ANKS1B: variants seen among roughly 807,000 people sequenced by gnomAD.
The protein encoded by ANKS1B is ankyrin repeat and sterile alpha motif domain containing 1B.
Under a neutral mutation model 148.3 loss-of-function variants are expected in ANKS1B, and 36 were observed. The ratio of observed to expected loss-of-function variants is 0.24; its 90% CI spans 0.19 to 0.32. The LOEUF (loss-of-function observed/expected upper bound fraction) is 0.32, where lower values mean the gene tolerates loss of function less well. Ranked by LOEUF, ANKS1B falls within the 10% of genes least tolerant of loss-of-function variation. ANKS1B has a pLI of 1.00. For synonymous variants in ANKS1B, 542 were observed against 560.8 expected (o/e 0.97, Z 0.47); for missense variants, 1,157 against 1,542.6 (o/e 0.75, Z 4.19).
chr12:99,425,744 T>C (rs953088275), intron 11 of ANKS1B, among the ~76,000 whole-genome samples: 5 of 151,972 alleles, frequency 3.3e-5, no homozygotes, highest in Admixed American at 2.0e-4. Flanking sequence ...ATTTATATTG[T>C]TTGTCCATTT....
chr12:99,084,065 C>A (rs1367512493), intron 16 of ANKS1B, among the ~76,000 whole-genome samples: 1 of 152,082 alleles, frequency 6.6e-6, no homozygotes, highest in African/African-American at 2.4e-5. Context: ...AAAAATGATG[C>A]CTGGTTGGTA....
intron 17 of ANKS1B, among the ~76,000 whole-genome samples, chr12:98,845,484 T>C (rs1046618902): frequency 5.3e-5 from 8 of 152,230 alleles, no homozygotes. Context: ...GGTGCTTATA[T>C]GAACAACCAG....
intron 17 of ANKS1B, among the ~76,000 whole-genome samples, chr12:98,852,342 G>A (rs2099533695): frequency 6.6e-6 from 1 of 152,122 alleles, no homozygotes; most frequent in Non-Finnish European, 1.5e-5. Flanking sequence ...CAGCAGGGTT[G>A]GTGAGTACCA....
intron 14 of ANKS1B, among the ~76,000 whole-genome samples, chr12:99,160,506 T>C (rs1337258206): frequency 2.5e-3 from 12 of 4,734 alleles, no homozygotes; most frequent in Admixed American, 0.01. Context: ...ACCAGGCTAT[T>C]TTTTTTTTTT....
chr12:99,924,149 T>C (rs2094431385), intron 1 of ANKS1B, among the ~76,000 whole-genome samples: 1 of 152,088 alleles, frequency 6.6e-6, no homozygotes, highest in Non-Finnish European at 1.5e-5. Context: ...GCATGTTGAA[T>C]GAAGGAAAAG....
intron 1 of ANKS1B, among the ~76,000 whole-genome samples, chr12:99,963,561 A>C (rs189060407): frequency 6.6e-6 from 1 of 152,342 alleles, no homozygotes; most frequent in Non-Finnish European, 1.5e-5. Context: ...TTATTTCTGC[A>C]ATACTTCCAA....
At chr12:99,719,751 C>T (rs997779829) in intron 8 of ANKS1B, among the ~76,000 whole-genome samples, 4 of 152,144 alleles carry the variant, frequency 2.6e-5, no homozygotes, top group East Asian at 1.9e-4. Flanking sequence ...TTAATAAAAA[C>T]GCTTCTCAAA....
At chr12:99,291,346 C>T (rs1301648830) in intron 12 of ANKS1B, among the ~76,000 whole-genome samples, 1 of 152,058 alleles carries the variant, frequency 6.6e-6, no homozygotes, top group Non-Finnish European at 1.5e-5. Flanking sequence ...TCAATGCAAT[C>T]CCTATCAAAT....
chr12:99,660,219 G>C (rs1187224987), intron 8 of ANKS1B, among the ~76,000 whole-genome samples: 2 of 152,064 alleles, frequency 1.3e-5, no homozygotes, highest in African/African-American at 4.8e-5. Context: ...AGCTTTCCTA[G>C]CCTCGGTCCC....
chr12:99,909,460 T>A (rs1280103173), intron 1 of ANKS1B, among the ~76,000 whole-genome samples: 1 of 152,182 alleles, frequency 6.6e-6, no homozygotes, highest in Non-Finnish European at 1.5e-5. Flanking sequence ...TTTAATTTTT[T>A]GAGGAACCTC....
chr12:99,772,999 T>A lies in ANKS1B; in HGVS notation c.1051A>T (p.Thr351Ser). ...KDYSFEDLCH[T>S]ISDHYLDNLS... is the part of the protein sequence containing the mutation. ...TTATCTAAGTAGTGGTCTGATATTG[T>A]GTGGCACAAGTCTTCAAACGAATAA... The change falls in exon 8 of 27, where the codon ACA (threonine) becomes TCA (serine). Residue 351 changes from threonine (T) to serine (S), a missense_variant. Thr to Ser is a moderately conservative substitution (Grantham distance 58). Transcript: ENST00000683438. The A allele has an allele frequency of 1.2e-6, 2 of 1,612,778 alleles. No individual in the cohort carries two copies. The highest frequency in any genetic ancestry group is 1.7e-6 in the Non-Finnish European group (2 of 1,179,128).
Position 99,529,246 on chromosome 12 carries a change from T to C in ANKS1B, c.1273-24605A>G, listed in dbSNP as rs567443474. ...GAAGTCAACAAGAAGTCAAAAGAAG[T>C]GGAATGTAGTTCACCAATAAGAAGA... On this transcript the variant is annotated intron_variant, in intron 9 of 26. Coordinates refer to ENST00000683438, the MANE Select transcript of ANKS1B (RefSeq NM_001352186.2). 3.3e-5 allele frequency among the ~76,000 whole-genome samples: 5 copies of C among 152,146 alleles called. No homozygotes were observed. The South Asian group carries it at 8.3e-4, about 25-fold the overall frequency.
chr12:99,293,798 A>G (rs1487349401), intron 12 of ANKS1B, among the ~76,000 whole-genome samples: 1 of 151,528 alleles, frequency 6.6e-6, no homozygotes, highest in African/African-American at 2.4e-5. Context: ...AATAACCAAA[A>G]TATATAAGGA....
At chr12:99,741,833 G>A (rs1022331930) in intron 8 of ANKS1B, among the ~76,000 whole-genome samples, 1 of 151,750 alleles carries the variant, frequency 6.6e-6, no homozygotes, top group Non-Finnish European at 1.5e-5. Flanking sequence ...CATGACACAG[G>A]TATACCCATG....
At chr12:98,790,258 G>A (rs1015740098) in intron 22 of ANKS1B, among the ~76,000 whole-genome samples, 1 of 152,148 alleles carries the variant, frequency 6.6e-6, no homozygotes, top group Non-Finnish European at 1.5e-5. Context: ...GAGAAGAAAG[G>A]GGTAGTTGTC....
At chr12:99,200,154 T>A (rs1350238375) in intron 14 of ANKS1B, among the ~76,000 whole-genome samples, 2 of 152,126 alleles carry the variant, frequency 1.3e-5, no homozygotes, top group Non-Finnish European at 1.5e-5. Context: ...AAAGGAGAGA[T>A]GGGGCACAAC....
intron 8 of ANKS1B, among the ~76,000 whole-genome samples, chr12:99,659,602 G>A (rs2098466132): frequency 6.6e-6 from 1 of 152,112 alleles, no homozygotes; most frequent in South Asian, 2.1e-4. Flanking sequence ...TAACATTGAA[G>A]AAATGGGATT....
At chr12:99,227,226 T>C (rs1183103048) in intron 14 of ANKS1B, among the ~76,000 whole-genome samples, 2 of 152,104 alleles carry the variant, frequency 1.3e-5, no homozygotes, top group Non-Finnish European at 2.9e-5. Context: ...TCTAGTTGCT[T>C]AAAAGTGTTT....
chr12:99,516,365 G>A (rs934232259), intron 9 of ANKS1B, among the ~76,000 whole-genome samples: 25 of 151,936 alleles, frequency 1.6e-4, no homozygotes, highest in Non-Finnish European at 3.1e-4. Flanking sequence ...TCATTATTCC[G>A]CATATAGGTA....
Sources: gnomAD v4.1 joint callset for allele counts (sites outside exome capture counted in the v4.1 genomes callset) on GRCh38, gnomAD v4.1.1 for gene constraint, MANE v1.5 for transcripts, NCBI Gene and HGNC (gene_info 2026-07-23, HGNC 2026-07-21) for gene names.